Variants in C10orf90 observed in about 807,000 individuals in gnomAD.
C10orf90 encodes the protein chromosome 10 open reading frame 90.
Under a neutral mutation model 62.5 loss-of-function variants are expected in C10orf90, and 56 were observed. The ratio of observed to expected loss-of-function variants is 0.90; its 90% CI spans 0.72 to 1.12. C10orf90 has a LOEUF of 1.12. Among genes scored for constraint, C10orf90 ranks in the 50% most tolerant of loss-of-function variants. The pLI is 0.00. For missense variants in C10orf90, 970 were observed against 880.4 expected, an observed-to-expected ratio of 1.10 and a Z score of -1.29; for synonymous variants, 386 against 340.4, an observed-to-expected ratio of 1.13 and a Z score of -1.47.
chr10:126,624,465 G>C (rs899434590), intron 2 of C10orf90, among the ~76,000 whole-genome samples: 3 of 152,168 alleles, frequency 2.0e-5, no homozygotes, highest in Non-Finnish European at 4.4e-5. Flanking sequence ...GTTCTCAGCA[G>C]AAACTGCCTC....
chr10:126,498,732 T>G (rs7907159), intron 4 of C10orf90, among the ~76,000 whole-genome samples: 78,028 of 152,090 alleles, frequency 0.51, 21,446 homozygotes, highest in African/African-American at 0.72. Context: ...CTCACCCAAG[T>G]TCACATATCT....
intron 4 of C10orf90, among the ~76,000 whole-genome samples, chr10:126,484,044 T>C (rs1327792203): frequency 1.3e-5 from 2 of 152,214 alleles, no homozygotes; most frequent in Middle Eastern, 3.2e-3. Flanking sequence ...CAAATGTCAT[T>C]GCTGGTAGAC....
intron 2 of C10orf90, among the ~76,000 whole-genome samples, chr10:126,518,487 T>C (rs914599890): frequency 6.6e-6 from 1 of 152,008 alleles, no homozygotes; most frequent in East Asian, 1.9e-4. Context: ...ACCTAGTCTG[T>C]GGGCATGGGA....
intron 2 of C10orf90, chr10:126,521,560 A>T: frequency 1.1e-6 from 1 of 915,764 alleles, no homozygotes; most frequent in Non-Finnish European, 1.5e-6. Context: ...ACCTTGTGAC[A>T]TTTCTTGTTA....
At chr10:126,530,432 T>C (rs1181964983) in intron 2 of C10orf90, among the ~76,000 whole-genome samples, 1 of 151,006 alleles carries the variant, frequency 6.6e-6, no homozygotes, top group Non-Finnish European at 1.5e-5. Flanking sequence ...AAAAGGATAA[T>C]AAGAGAACAT....
intron 5 of C10orf90, among the ~76,000 whole-genome samples, chr10:126,462,508 G>A (rs753101417): frequency 1.3e-5 from 2 of 152,024 alleles, no homozygotes; most frequent in African/African-American, 4.8e-5. Context: ...CCTCTGCTAC[G>A]TCACTGCAGG....
chr10:126,635,101 C>A (rs1212422331), intron 2 of C10orf90, among the ~76,000 whole-genome samples: 6 of 152,260 alleles, frequency 3.9e-5, no homozygotes, highest in Admixed American at 2.6e-4. Flanking sequence ...ATAAAAAGAA[C>A]AAATCAAGCT....
chr10:126,640,364 G>C (rs1222435619), intron 2 of C10orf90, among the ~76,000 whole-genome samples: 1 of 152,236 alleles, frequency 6.6e-6, no homozygotes, highest in African/African-American at 2.4e-5. Context: ...TTCCCACCCT[G>C]CTCCGCAGGT....
intron 8 of C10orf90, among the ~76,000 whole-genome samples, chr10:126,427,268 T>C (rs1478489462): frequency 2.0e-5 from 3 of 152,208 alleles, no homozygotes; most frequent in Non-Finnish European, 1.5e-5. Context: ...GAGAAAACTA[T>C]AAAGGAGTCA....
intron 2 of C10orf90, among the ~76,000 whole-genome samples, chr10:126,582,676 C>T (rs1225806178): frequency 6.6e-6 from 1 of 150,680 alleles, no homozygotes; most frequent in Admixed American, 6.6e-5. Flanking sequence ...TGCATCTTTC[C>T]ATTTGGGTCT....
At chr10:126,627,000 C>CTTTTTTTTTTTTTTTTTTT (rs61226052) in intron 2 of C10orf90, among the ~76,000 whole-genome samples, 3 of 119,494 alleles carry the variant, frequency 2.5e-5, no homozygotes, top group Admixed American at 1.8e-4. Context: ...TTTTTCTTTT[C>CTTTTTTTTTTTTTTTTTTT]TTTTTTTTTT....
intron 2 of C10orf90, among the ~76,000 whole-genome samples, chr10:126,588,274 C>A (rs1382179416): frequency 1.3e-5 from 2 of 152,258 alleles, no homozygotes; most frequent in Non-Finnish European, 2.9e-5. Flanking sequence ...TTCCAGCTTG[C>A]TGGCAGTCTG....
At position 126,425,671 on chromosome 10, in the gene C10orf90, T is replaced by C; in HGVS notation, c.*193A>G. The C allele has an allele frequency of 1.6e-6, 1 of 612,558 alleles. No individual in the cohort carries two copies. Among genetic ancestry groups the C allele is most frequent in the Admixed American group, 3.2e-5 (1 of 31,110 alleles). 37.9% of individuals were successfully genotyped at this position (612,558 alleles called of 1,614,324 possible). A position where few individuals can be genotyped will look rare whatever the true frequency, so the allele number is the denominator to read the frequency against. Reference sequence around the variant, plus strand: ...TTCCCCACAACAGATTGTTGACCTATTTTCTCGAGGGTTATTGTTTCTGTT... The same window carrying C: ...TTCCCCACAACAGATTGTTGACCTACTTTCTCGAGGGTTATTGTTTCTGTT... On this transcript the variant is annotated 3_prime_UTR_variant, in exon 10 of 10. Transcript: ENST00000488181.
intron 7 of C10orf90, among the ~76,000 whole-genome samples, chr10:126,455,394 C>T (rs1201418527): frequency 6.6e-6 from 1 of 152,210 alleles, no homozygotes; most frequent in Non-Finnish European, 1.5e-5. Flanking sequence ...AAGGCTACCA[C>T]CTATGAGTTT....
intron 5 of C10orf90, among the ~76,000 whole-genome samples, chr10:126,462,714 C>T (rs947621433): frequency 4.6e-5 from 7 of 152,108 alleles, no homozygotes; most frequent in Non-Finnish European, 1.0e-4. Context: ...CTCACCTGTC[C>T]GTGGGATGCA....
At chr10:126,442,659 ATATATAT>A (rs2134031850) in intron 7 of C10orf90, among the ~76,000 whole-genome samples, 1 of 91,876 alleles carries the variant, frequency 1.1e-5, no homozygotes, top group African/African-American at 3.7e-5. Flanking sequence ...ATATATATAT[ATATATAT>A]ATATATATAT....
At chr10:126,502,892 TA>T in intron 4 of C10orf90, 1 of 486,178 alleles carries the variant, frequency 2.1e-6, no homozygotes, top group Non-Finnish European at 4.1e-6. Flanking sequence ...AAAATTGCCT[TA>T]AAAATCTCTG....
chr10:126,534,259 G>A (rs563806538), intron 2 of C10orf90, among the ~76,000 whole-genome samples: 28 of 152,320 alleles, frequency 1.8e-4, no homozygotes, highest in African/African-American at 6.7e-4. Flanking sequence ...TTTCTTGGCT[G>A]CTTGTACTCT....
At chr10:126,624,696 A>C (rs2133820591) in intron 2 of C10orf90, among the ~76,000 whole-genome samples, 1 of 152,286 alleles carries the variant, frequency 6.6e-6, no homozygotes, top group Middle Eastern at 3.4e-3. Flanking sequence ...CCAGGGTCAA[A>C]GTCCCAGGAA....
Sources: gnomAD v4.1 joint callset for allele counts (sites outside exome capture counted in the v4.1 genomes callset) on GRCh38, gnomAD v4.1.1 for gene constraint, MANE v1.5 for transcripts, NCBI Gene and HGNC (gene_info 2026-07-23, HGNC 2026-07-21) for gene names.